The following PASD1 variants were observed in gnomAD, a reference collection of about 807,000 sequenced individuals.
PASD1 encodes circadian clock protein PASD1.
In PASD1, 13 loss-of-function variants were observed where a neutral mutation model predicts 58.8. That is an observed-to-expected ratio of 0.22 (90% CI 0.14 to 0.35). The LOEUF (loss-of-function observed/expected upper bound fraction) is 0.35. Among genes scored for constraint, PASD1 ranks in the 10% least tolerant of loss-of-function variants. The pLI, the probability that PASD1 is intolerant of heterozygous loss-of-function variation, is 1.00. For synonymous variants in PASD1, 236 were observed against 216.7 expected (o/e 1.09, Z -0.78); for missense variants, 734 against 568.3 (o/e 1.29, Z -2.96).
chrX:151,667,976 T>G (rs1285294892), intron 11 of PASD1, among the ~76,000 whole-genome samples: 2 of 111,766 alleles, frequency 1.8e-5, no homozygotes, highest in Non-Finnish European at 3.8e-5. Flanking sequence ...TTGGGCAGTG[T>G]GGCCATTTTC....
rs72381794 is a variant in PASD1, at chrX:151,581,986, C to CTTTTT, written c.-28+18161_-28+18165dup. 1.1e-4 allele frequency among the ~76,000 whole-genome samples: 8 copies of CTTTTT among 74,293 alleles called. 1 individual carries two copies. The highest frequency in any genetic ancestry group is 3.8e-4 in the African/African-American group (7 of 18,574). 64.5% of individuals were successfully genotyped at this position (74,293 alleles called of 115,157 possible). Reference sequence around the variant, plus strand: ...CTTGAATCTTTTTTTTTTCTTTTTCCTTTTTTTTTTTTTTTTTTGAGAAGG... The same window carrying CTTTTT: ...CTTGAATCTTTTTTTTTTCTTTTTCCTTTTTTTTTTTTTTTTTTTTTTTGAGAAGG... On this transcript the variant is annotated intron_variant, in intron 1 of 15. Coordinates refer to ENST00000370357, the MANE Select transcript of PASD1 (RefSeq NM_173493.3).
chrX:151,651,858 A>G (rs939623759), intron 9 of PASD1, among the ~76,000 whole-genome samples: 2 of 112,130 alleles, frequency 1.8e-5, no homozygotes, highest in Non-Finnish European at 3.8e-5. Flanking sequence ...TCACACAGTA[A>G]GTGTCAGAGC....
intron 1 of PASD1, among the ~76,000 whole-genome samples, chrX:151,564,753 C>T (rs1483483532): frequency 9.1e-6 from 1 of 109,399 alleles, no homozygotes; most frequent in Non-Finnish European, 1.9e-5. Context: ...CGTGTGGTGC[C>T]CAACTAGTCA....
intron 9 of PASD1, among the ~76,000 whole-genome samples, chrX:151,653,638 G>A (rs903091936): frequency 1.9e-5 from 2 of 103,953 alleles, no homozygotes; most frequent in Non-Finnish European, 3.9e-5. Flanking sequence ...GGAAGAACTC[G>A]CAGCTTAGGG....
chrX:151,652,221 G>T (rs1020104605), intron 9 of PASD1, among the ~76,000 whole-genome samples: 2 of 111,588 alleles, frequency 1.8e-5, no homozygotes, highest in Non-Finnish European at 3.8e-5. Flanking sequence ...ATTAAATAAA[G>T]AAATCATTGA....
chrX:151,645,476 A>G (rs990466062), intron 8 of PASD1, among the ~76,000 whole-genome samples: 2 of 112,268 alleles, frequency 1.8e-5, no homozygotes, highest in South Asian at 3.7e-4. Flanking sequence ...GTAATTCAGC[A>G]GTGTTGAGCA....
At chrX:151,596,890 A>G (rs1304056570) in intron 1 of PASD1, among the ~76,000 whole-genome samples, 1 of 112,280 alleles carries the variant, frequency 8.9e-6, no homozygotes, top group African/African-American at 3.2e-5. Flanking sequence ...TTCAAAAATC[A>G]TATGTGTGTA....
chrX:151,599,861 G>C (rs2013386211), intron 1 of PASD1, among the ~76,000 whole-genome samples: 1 of 111,456 alleles, frequency 9.0e-6, no homozygotes, highest in Admixed American at 9.5e-5. Context: ...CCTAGACGGG[G>C]TGGCGGCCGG....
chrX:151,637,730 T>G (rs1490200978), intron 8 of PASD1, among the ~76,000 whole-genome samples: 1 of 111,865 alleles, frequency 8.9e-6, no homozygotes, highest in African/African-American at 3.2e-5. Flanking sequence ...TTTCAAAATT[T>G]TAGCCACTAA....
chrX:151,646,622 A>T (rs1332588831), intron 8 of PASD1, among the ~76,000 whole-genome samples: 1 of 112,835 alleles, frequency 8.9e-6, no homozygotes, highest in Admixed American at 9.4e-5. Context: ...TTTATCTCAG[A>T]TATAAAGTTA....
At chrX:151,652,550 A>AAAC (rs1569413350) in intron 9 of PASD1, among the ~76,000 whole-genome samples, 4 of 109,424 alleles carry the variant, frequency 3.7e-5, no homozygotes, top group Admixed American at 2.0e-4. Flanking sequence ...AAAAAAACAA[A>AAAC]AAACAAACAA....
At chrX:151,655,359 G>A (rs113803564) in intron 9 of PASD1, among the ~76,000 whole-genome samples, 18,041 of 104,264 alleles carry the variant, frequency 0.17, 1,119 homozygotes, top group Non-Finnish European at 0.22. Flanking sequence ...AATCCTTTGG[G>A]TATATACCCA....
At chrX:151,611,843 GT>G in intron 4 of PASD1, 90 bp downstream of exon 4, 1 of 645,625 alleles carries the variant, frequency 1.5e-6, no homozygotes, top group Non-Finnish European at 2.3e-6. Flanking sequence ...TATACTTTAA[GT>G]TTTAGAGTAC....
chrX:151,667,479 T>C (rs947278791), intron 11 of PASD1, among the ~76,000 whole-genome samples: 2 of 112,254 alleles, frequency 1.8e-5, no homozygotes, highest in African/African-American at 6.5e-5. Context: ...TGAATGGTAT[T>C]GCCTAGGTTT....
intron 1 of PASD1, chrX:151,578,364 T>C (rs2013041249): frequency 8.9e-6 from 1 of 112,387 alleles, no homozygotes; most frequent in African/African-American, 3.2e-5. Flanking sequence ...ATTTTATATA[T>C]ATGATCAATG....
At chrX:151,570,664 C>G (rs908572066) in intron 1 of PASD1, among the ~76,000 whole-genome samples, 3 of 111,708 alleles carry the variant, frequency 2.7e-5, no homozygotes, top group African/African-American at 9.8e-5. Context: ...GCTGTGGGAC[C>G]TTTGTCTTGA....
At chrX:151,611,300 C>A (rs1012152795) in intron 3 of PASD1, among the ~76,000 whole-genome samples, 2 of 112,006 alleles carry the variant, frequency 1.8e-5, no homozygotes, top group African/African-American at 6.5e-5. Context: ...AACCTAACCA[C>A]AAATGAAAGT....
chrX:151,670,626 G>C lies in PASD1; in HGVS notation c.1072-412G>C, dbSNP rs762734294. Among the ~76,000 whole-genome samples, 104 of 112,046 alleles carry C rather than the reference G, an allele frequency of 9.3e-4. 1 individual carries two copies. Among genetic ancestry groups the C allele is most frequent in the African/African-American group, 3.3e-3 (102 of 30,878 alleles). Reference sequence around the variant, plus strand: ...GAGTTTTCGTACAGTGCTTAGAAGAGTGCCTGGAACAAAGGAAGTGCCAGT... The same window carrying C: ...GAGTTTTCGTACAGTGCTTAGAAGACTGCCTGGAACAAAGGAAGTGCCAGT... On this transcript the variant is annotated intron_variant, in intron 11 of 15. Transcript: ENST00000370357.
At chrX:151,670,444 C>T (rs772272202) in intron 11 of PASD1, among the ~76,000 whole-genome samples, 47 of 112,224 alleles carry the variant, frequency 4.2e-4, no homozygotes, top group African/African-American at 1.5e-3. Context: ...AGCACACTCT[C>T]TACTTTTATA....
Sources: allele counts gnomAD v4.1 joint callset (sites outside exome capture counted in the v4.1 genomes callset), GRCh38; gene constraint gnomAD v4.1.1; transcripts MANE v1.5; gene names NCBI Gene and HGNC (gene_info 2026-07-23, HGNC 2026-07-21).